Variants in RANBP10 observed in about 807,000 individuals in gnomAD.
The protein encoded by RANBP10 is ran-binding protein 10.
Under a neutral mutation model 72.8 loss-of-function variants are expected in RANBP10, and 24 were observed. The observed-to-expected ratio is 0.33, with a 90% confidence interval of 0.24 to 0.46. RANBP10 has a LOEUF of 0.46. Ranked by LOEUF, RANBP10 falls within the 20% of genes least tolerant of loss-of-function variation. RANBP10 has a pLI of 1.00. For missense variants in RANBP10, 679 were observed against 817.5 expected (o/e 0.83, Z 2.07); for synonymous variants, 310 against 322.3 (o/e 0.96, Z 0.41).
At chr16:67,759,144 G>A (rs2054346363) in intron 3 of RANBP10, among the ~76,000 whole-genome samples, 1 of 152,244 alleles carries the variant, frequency 6.6e-6, no homozygotes, top group Admixed American at 6.5e-5. Context: ...ACCACCCTCT[G>A]TTCTGGACGG....
intron 2 of RANBP10, among the ~76,000 whole-genome samples, chr16:67,794,385 C>A (rs2055087184): frequency 6.6e-6 from 1 of 151,388 alleles, no homozygotes; most frequent in South Asian, 2.1e-4. Context: ...TGGAGTGAGC[C>A]GAGGTCATGC....
At chr16:67,751,738 A>G (rs1440478191) in intron 3 of RANBP10, among the ~76,000 whole-genome samples, 1 of 152,128 alleles carries the variant, frequency 6.6e-6, no homozygotes, top group East Asian at 1.9e-4. Flanking sequence ...CAACATGGAG[A>G]AACCTCATCT....
At chr16:67,747,528 G>A (rs2054107163) in intron 3 of RANBP10, among the ~76,000 whole-genome samples, 2 of 152,100 alleles carry the variant, frequency 1.3e-5, no homozygotes, top group African/African-American at 4.8e-5. Flanking sequence ...GTGAGAAAGG[G>A]TCTCACACTC....
At chr16:67,763,615 C>T (rs1261386506) in intron 3 of RANBP10, 1 of 152,268 alleles carries the variant, frequency 6.6e-6, no homozygotes, top group Non-Finnish European at 1.5e-5. Flanking sequence ...ATTCATAGGC[C>T]TCACAAGTCT....
At chr16:67,775,854 A>G (rs1054292902) in intron 2 of RANBP10, among the ~76,000 whole-genome samples, 2 of 151,590 alleles carry the variant, frequency 1.3e-5, no homozygotes, top group South Asian at 4.2e-4. Context: ...ATTGCACAAA[A>G]CAAAAAACTT....
At position 67,744,409 on chromosome 16, in the gene RANBP10, C is replaced by T. The variant is rs369730914; in HGVS notation, c.447G>A (p.Ser149=). The change falls in exon 4 of 14, where the codon TCG becomes TCA. Residue 149 remains serine (S), a synonymous_variant. Coordinates refer to ENST00000317506, the MANE Select transcript of RANBP10 (RefSeq NM_020850.3). Reference sequence around the variant, plus strand: ...GCTGGCCAGTCCCCGAGGAGCAGAACGAATGCCCATCATCACCATGGTAAC... The same window carrying T: ...GCTGGCCAGTCCCCGAGGAGCAGAATGAATGCCCATCATCACCATGGTAAC... ...SYGYHGDDGH[S]FCSSGTGQPY... The T allele has an allele frequency of 7.4e-6, 12 of 1,614,194 alleles. No homozygotes were observed. Among genetic ancestry groups the T allele is most frequent in the East Asian group, 6.7e-5 (3 of 44,888 alleles).
At chr16:67,744,899 C>T (rs1455949510) in intron 3 of RANBP10, among the ~76,000 whole-genome samples, 1 of 152,240 alleles carries the variant, frequency 6.6e-6, no homozygotes, top group Non-Finnish European at 1.5e-5. Flanking sequence ...TCTCAGCTCA[C>T]TGCAAGCCCC....
intron 3 of RANBP10, among the ~76,000 whole-genome samples, chr16:67,769,962 G>T (rs956771774): frequency 6.6e-6 from 1 of 151,636 alleles, no homozygotes; most frequent in South Asian, 2.1e-4. Context: ...CTAAAGGGGA[G>T]AATGAGGTGG....
intron 2 of RANBP10, among the ~76,000 whole-genome samples, chr16:67,781,366 C>A (rs183813990): frequency 6.6e-6 from 1 of 152,180 alleles, no homozygotes. Flanking sequence ...CTCACAGATA[C>A]AACCTGCCTG....
rs148679564 is a variant in RANBP10 at position 67,770,988 on chromosome 16, T to A, written c.400+1046A>T. On this transcript the variant is annotated intron_variant, in intron 3 of 13. Coordinates refer to ENST00000317506, the MANE Select transcript of RANBP10 (RefSeq NM_020850.3). ...AATAGATGATAAAAATAAGGCTGGG[T>A]GCAGTGGCTCACGCCTGTTATCCCA... is the stretch of plus-strand genomic sequence containing the variant. 5.1e-3 allele frequency among the ~76,000 whole-genome samples: 772 copies of A among 151,998 alleles called. 4 individuals carry two copies. The highest frequency in any genetic ancestry group is 0.018 in the African/African-American group (755 of 41,450).
rs138637866 is a variant in RANBP10, at chr16:67,785,296, C to T, written c.348-13210G>A. On this transcript the variant is annotated intron_variant, in intron 2 of 13. Transcript: ENST00000317506. ...AAAAACTAAAATAAAAAGGAAAGAG[C>T]CAAAACCATAAAATTCTTAGAAGAA... Among the ~76,000 whole-genome samples the T allele has an allele frequency of 2.0e-5, 3 of 151,894 alleles. No individual in the cohort carries two copies. In the South Asian group the frequency reaches 6.2e-4, roughly 32 times the overall value.
chr16:67,745,699 C>T (rs2054058199), intron 3 of RANBP10, among the ~76,000 whole-genome samples: 1 of 152,104 alleles, frequency 6.6e-6, no homozygotes, highest in Non-Finnish European at 1.5e-5. Flanking sequence ...TGCATTACCA[C>T]CACCACGATC....
intron 3 of RANBP10, among the ~76,000 whole-genome samples, chr16:67,764,295 A>G (rs1260491066): frequency 6.6e-6 from 1 of 152,204 alleles, no homozygotes; most frequent in Non-Finnish European, 1.5e-5. Context: ...TACTTCTAAG[A>G]CAGCAGCGGC....
chr16:67,772,296 CAGAA>C (rs2054622906), intron 2 of RANBP10, among the ~76,000 whole-genome samples: 1 of 152,224 alleles, frequency 6.6e-6, no homozygotes, highest in Admixed American at 6.5e-5. Flanking sequence ...CTAGAGAAAA[CAGAA>C]AGTTGCGTGT....
At position 67,734,887 on chromosome 16, in the gene RANBP10, C is replaced by A; in HGVS notation, c.747G>T (p.Arg249=). Residue 249 remains arginine (R), a synonymous_variant, in exon 6 of 14, where the codon CGG becomes CGT. Transcript: ENST00000317506. ...GCAGCACTGCCTGCCACTCGCCAAGCCGGGCACTGATGGGGAAGCAGTGGA... is the reference window on the plus strand; with the variant it reads ...GCAGCACTGCCTGCCACTCGCCAAGACGGGCACTGATGGGGAAGCAGTGGA... ...GTVHCFPISA[R]LGEWQAVLQN... 1 of 1,608,430 alleles carries A rather than the reference C, an allele frequency of 6.2e-7. No homozygotes were observed. Among genetic ancestry groups the A allele is most frequent in the Non-Finnish European group, 8.5e-7 (1 of 1,176,478 alleles).
Position 67,729,583 on chromosome 16 carries a change from C to T in RANBP10, c.1147+97G>A. The T allele has an allele frequency of 6.4e-7, 1 of 1,555,018 alleles. No individual in the cohort carries two copies. The highest frequency in any genetic ancestry group is 8.7e-7 in the Non-Finnish European group (1 of 1,150,872). Reference sequence around the variant, plus strand: ...GGTCCCATTTCCCTTCTCCCAAATCCAGCAGTGAGCCCTGAGCCCAGCCCA... The same window carrying T: ...GGTCCCATTTCCCTTCTCCCAAATCTAGCAGTGAGCCCTGAGCCCAGCCCA... On this transcript the variant is annotated intron_variant, in intron 9 of 13. Coordinates refer to ENST00000317506, the MANE Select transcript of RANBP10 (RefSeq NM_020850.3). The surrounding 1 kb of genome is among the most constrained non-coding windows in gnomAD (Gnocchi z 7.1).
chr16:67,751,940 A>G, intron 3 of RANBP10, among the ~76,000 whole-genome samples: 1 of 152,108 alleles, frequency 6.6e-6, no homozygotes, highest in Non-Finnish European at 1.5e-5. Context: ...TCTGGCTATA[A>G]ATATGGATTT....
intron 2 of RANBP10, among the ~76,000 whole-genome samples, chr16:67,796,446 C>T (rs536660368): frequency 1.9e-3 from 291 of 152,240 alleles, no homozygotes; most frequent in African/African-American, 6.4e-3. Context: ...GAGCCCTCAA[C>T]CATCTGGGCC....
chr16:67,731,712 A>G, intron 6 of RANBP10, 128 bp from the exon 7 acceptor site: 3 of 641,914 alleles, frequency 4.7e-6, no homozygotes, highest in Non-Finnish European at 8.0e-6. Flanking sequence ...TAACCTCCAC[A>G]GAATGAGAAT....
Sources: gnomAD v4.1 joint callset for allele counts (sites outside exome capture counted in the v4.1 genomes callset) on GRCh38, gnomAD v4.1.1 for gene constraint, Gnocchi (gnomAD v3.1) non-coding constraint, MANE v1.5 for transcripts, NCBI Gene and HGNC (gene_info 2026-07-23, HGNC 2026-07-21) for gene names.